Variants in TUSC3 observed in about 807,000 individuals in gnomAD.
TUSC3 encodes tumor suppressor candidate 3, also known as dolichyl-diphosphooligosaccharide--protein glycosyltransferase subunit TUSC3.
A neutral mutation model predicts 44.8 loss-of-function variants in TUSC3; 45 were observed. That is an observed-to-expected ratio of 1.00 (90% confidence interval 0.79 to 1.29). The LOEUF (loss-of-function observed/expected upper bound fraction) is 1.29. TUSC3 is among the 50% of genes most tolerant of loss of function. The probability of loss-of-function intolerance (pLI) is 0.00; values close to 1 mark genes in which losing one functional copy is unlikely to be tolerated. For synonymous variants in TUSC3, 212 were observed against 152.9 expected, an observed-to-expected ratio of 1.39 and a Z score of -2.85; for missense variants, 519 against 437.9, an observed-to-expected ratio of 1.19 and a Z score of -1.65.
intron 1 of TUSC3, among the ~76,000 whole-genome samples, chr8:15,606,109 C>G (rs979216268): frequency 6.6e-6 from 1 of 151,872 alleles, no homozygotes; most frequent in Non-Finnish European, 1.5e-5. Flanking sequence ...GGAGGTGCTC[C>G]CAAGAAGCAG....
At chr8:15,729,338 A>G (rs1336707755) in intron 6 of TUSC3, among the ~76,000 whole-genome samples, 1 of 152,188 alleles carries the variant, frequency 6.6e-6, no homozygotes, top group Non-Finnish European at 1.5e-5. Flanking sequence ...ACATACCTAT[A>G]CAAACAGTCC....
the TUSC3 span, among the ~76,000 whole-genome samples, chr8:15,844,470 G>A: frequency 1.3e-5 from 2 of 151,980 alleles, no homozygotes; most frequent in Admixed American, 6.6e-5. Flanking sequence ...AGGCACAAAC[G>A]GAGAACAAAA....
chr8:15,726,514 T>C (rs1810502610), intron 6 of TUSC3, among the ~76,000 whole-genome samples: 1 of 152,126 alleles, frequency 6.6e-6, no homozygotes, highest in Non-Finnish European at 1.5e-5. Flanking sequence ...CTCTATGAAA[T>C]ATTCAATGGG....
chr8:15,589,831 A>G (rs141939952), intron 1 of TUSC3, among the ~76,000 whole-genome samples: 143 of 152,332 alleles, frequency 9.4e-4, no homozygotes, highest in African/African-American at 3.2e-3. Context: ...CCAAGCCATG[A>G]ACAAAATTCT....
intron 1 of TUSC3, among the ~76,000 whole-genome samples, chr8:15,469,807 G>C (rs1047979515): frequency 1.3e-5 from 2 of 152,144 alleles, no homozygotes; most frequent in African/African-American, 4.8e-5. Context: ...ATATTTCACA[G>C]TGTTAAAAAT....
At chr8:15,522,328 G>A (rs1233194719) in intron 2 of TUSC3, among the ~76,000 whole-genome samples, 2 of 152,042 alleles carry the variant, frequency 1.3e-5, no homozygotes, top group Non-Finnish European at 2.9e-5. Flanking sequence ...TGCCTCCCGG[G>A]TTCAAGCAAT....
intron 9 of TUSC3, among the ~76,000 whole-genome samples, chr8:15,756,534 T>C (rs1448891720): frequency 6.6e-6 from 1 of 152,094 alleles, no homozygotes; most frequent in Non-Finnish European, 1.5e-5. Flanking sequence ...TGTGTTTGTC[T>C]TTTTTTTCTA....
the TUSC3 span, among the ~76,000 whole-genome samples, chr8:15,817,100 G>C: frequency 6.6e-6 from 1 of 152,130 alleles, no homozygotes; most frequent in Non-Finnish European, 1.5e-5. Context: ...TTATCTAAAA[G>C]GGACCATCAG....
intron 2 of TUSC3, among the ~76,000 whole-genome samples, chr8:15,531,596 T>C (rs1326014240): frequency 4.6e-5 from 7 of 152,214 alleles, no homozygotes; most frequent in African/African-American, 1.4e-4. Context: ...AAACTTGCCT[T>C]GGTCTCTTCT....
At chr8:15,623,672 C>T (rs186339709) in intron 2 of TUSC3, among the ~76,000 whole-genome samples, 1 of 151,902 alleles carries the variant, frequency 6.6e-6, no homozygotes, top group South Asian at 2.1e-4. Flanking sequence ...TAGAAGTAAA[C>T]AGTTTTAAAT....
chr8:15,842,726 G>A, the TUSC3 span, among the ~76,000 whole-genome samples: 1 of 152,174 alleles, frequency 6.6e-6, no homozygotes, highest in South Asian at 2.1e-4. Flanking sequence ...ATGTAAACAA[G>A]TCTTCTCTGA....
At chr8:15,445,954 C>T (rs946074851) in intron 1 of TUSC3, among the ~76,000 whole-genome samples, 5 of 150,560 alleles carry the variant, frequency 3.3e-5, no homozygotes, top group East Asian at 4.0e-4. Flanking sequence ...ACGGGGGCTG[C>T]CCCCCACCTC....
At chr8:15,441,080 C>A (rs892747891) in intron 1 of TUSC3, among the ~76,000 whole-genome samples, 1 of 152,162 alleles carries the variant, frequency 6.6e-6, no homozygotes, top group African/African-American at 2.4e-5. Flanking sequence ...ACTAAAACTG[C>A]CCTAATAATT....
chr8:15,652,944 G>A lies in TUSC3; in HGVS notation c.426+2130G>A, dbSNP rs141252419. Among the ~76,000 whole-genome samples the A allele has an allele frequency of 1.2e-3, 190 of 152,160 alleles. 1 individual carries two copies. The highest frequency in any genetic ancestry group is 2.1e-3 in the Non-Finnish European group (145 of 68,010). ...GATAATACATTATCTGTTTTGTTAC[G>A]ATACCTGATGTACTAAGTACATACT... On this transcript the variant is annotated intron_variant, in intron 3 of 10. Transcript: ENST00000503731.
At chr8:15,835,310 CTATT>C in the TUSC3 span, among the ~76,000 whole-genome samples, 1 of 152,040 alleles carries the variant, frequency 6.6e-6, no homozygotes, top group South Asian at 2.1e-4. Flanking sequence ...GTAGCAATTA[CTATT>C]TTAGAATTTA....
the TUSC3 span, among the ~76,000 whole-genome samples, chr8:15,844,244 T>C: frequency 6.6e-6 from 1 of 152,130 alleles, no homozygotes; most frequent in Non-Finnish European, 1.5e-5. Flanking sequence ...GTTAATGGAG[T>C]ATGCAGAAAA....
intron 3 of TUSC3, among the ~76,000 whole-genome samples, chr8:15,651,209 A>G (rs1033802396): frequency 1.3e-5 from 2 of 152,204 alleles, no homozygotes; most frequent in African/African-American, 4.8e-5. Context: ...CGCAGTTTAC[A>G]TGCATTGGTC....
chr8:15,681,960 A>C (rs949103707), intron 6 of TUSC3, among the ~76,000 whole-genome samples: 2 of 152,026 alleles, frequency 1.3e-5, no homozygotes, highest in Non-Finnish European at 2.9e-5. Context: ...GTTACTATGT[A>C]ATTTTGTGTT....
chr8:15,658,781 A>G (rs1005037981), intron 3 of TUSC3, among the ~76,000 whole-genome samples: 1 of 151,992 alleles, frequency 6.6e-6, no homozygotes, highest in Non-Finnish European at 1.5e-5. Flanking sequence ...GTTTTTAGAT[A>G]TTGTTAAATA....
Sources: gnomAD v4.1 joint callset for allele counts (sites outside exome capture counted in the v4.1 genomes callset) on GRCh38, gnomAD v4.1.1 for gene constraint, MANE v1.5 for transcripts, NCBI Gene and HGNC (gene_info 2026-07-23, HGNC 2026-07-21) for gene names.